HS3ST5: variants seen among roughly 807,000 people sequenced by gnomAD.
The protein encoded by HS3ST5 is heparan sulfate-glucosamine 3-sulfotransferase 5, also known as heparan sulfate glucosamine 3-O-sulfotransferase 5.
A neutral mutation model predicts 25.4 loss-of-function variants in HS3ST5; 10 were observed. The ratio of observed to expected loss-of-function variants is 0.39; its 90% CI spans 0.24 to 0.67. The LOEUF (loss-of-function observed/expected upper bound fraction) is 0.67. Among genes scored for constraint, HS3ST5 ranks in the 30% least tolerant of loss-of-function variants. The pLI, the probability that HS3ST5 is intolerant of heterozygous loss-of-function variation, is 0.44. For missense variants in HS3ST5, 324 were observed against 420.7 expected, an observed-to-expected ratio of 0.77 and a Z score of 2.01; for synonymous variants, 170 against 162.4, an observed-to-expected ratio of 1.05 and a Z score of -0.36.
chr6:114,245,602 C>A (rs1582753848), intron 1 of HS3ST5, among the ~76,000 whole-genome samples: 1 of 152,214 alleles, frequency 6.6e-6, no homozygotes, highest in Admixed American at 6.5e-5. Flanking sequence ...TACAGTCCTA[C>A]AAGGACATTG....
intron 1 of HS3ST5, among the ~76,000 whole-genome samples, chr6:114,234,273 C>T (rs1381928790): frequency 6.6e-6 from 1 of 150,866 alleles, no homozygotes; most frequent in East Asian, 1.9e-4. Context: ...CTAGTTTTCA[C>T]AGGGTATTAA....
intron 1 of HS3ST5, among the ~76,000 whole-genome samples, chr6:114,312,876 A>G (rs1775588782): frequency 1.3e-5 from 2 of 151,984 alleles, no homozygotes; most frequent in South Asian, 4.2e-4. Context: ...TAAAAAATAC[A>G]AAAATCAGCC....
rs73542344 is a variant in HS3ST5 at position 114,265,323 on chromosome 6, C to A, written c.-338-36545G>T. On this transcript the variant is annotated intron_variant, in intron 1 of 4. Coordinates refer to ENST00000312719, the MANE Select transcript of HS3ST5 (RefSeq NM_153612.4). Reference sequence around the variant, plus strand: ...AAAACACGTGTGTGGGGTTTGGCTGCTTGAAGGCTACTGGCAGAAAGCTGG... The same window carrying A: ...AAAACACGTGTGTGGGGTTTGGCTGATTGAAGGCTACTGGCAGAAAGCTGG... Among the ~76,000 whole-genome samples the A allele has an allele frequency of 8.0e-3, 1,214 of 152,256 alleles. 15 individuals carry two copies. The highest frequency in any genetic ancestry group is 0.028 in the African/African-American group (1,158 of 41,532).
chr6:114,064,502 T>G (rs1773333314), intron 3 of HS3ST5, among the ~76,000 whole-genome samples: 1 of 152,226 alleles, frequency 6.6e-6, no homozygotes, highest in Admixed American at 6.5e-5. Flanking sequence ...GTGTGGAATG[T>G]ACTATGTGAA....
chr6:114,077,633 C>A (rs1774215453), intron 3 of HS3ST5, among the ~76,000 whole-genome samples: 1 of 152,220 alleles, frequency 6.6e-6, no homozygotes, highest in African/African-American at 2.4e-5. Flanking sequence ...GCTCCTCCCT[C>A]TGTTCCATGT....
chr6:114,120,913 A>G (rs1776756454), intron 3 of HS3ST5, among the ~76,000 whole-genome samples: 1 of 152,226 alleles, frequency 6.6e-6, no homozygotes. Context: ...CAGAAGTCCC[A>G]GTAATGTACA....
At chr6:114,103,608 G>A (rs139328295) in intron 3 of HS3ST5, among the ~76,000 whole-genome samples, 272 of 150,928 alleles carry the variant, frequency 1.8e-3, no homozygotes, top group Middle Eastern at 6.8e-3. Flanking sequence ...TTTTTATAGA[G>A]ACAGGGTCTG....
rs1018989740 is a variant in HS3ST5 at position 114,116,575 on chromosome 6, G to A, written c.-33+51776C>T. 2.0e-5 allele frequency among the ~76,000 whole-genome samples: 3 copies of A among 152,060 alleles called. No individual in the cohort carries two copies. In the South Asian group the frequency reaches 6.2e-4, roughly 32 times the overall value. ...TTATAAGTTTCAGCAGTATCTCCAAGAGCATTAAGAATAAAGTTAAATTTC... is the reference window on the plus strand; with the variant it reads ...TTATAAGTTTCAGCAGTATCTCCAAAAGCATTAAGAATAAAGTTAAATTTC... On this transcript the variant is annotated intron_variant, in intron 3 of 4. Transcript: ENST00000312719.
At chr6:114,076,453 C>T (rs1774141483) in intron 3 of HS3ST5, among the ~76,000 whole-genome samples, 1 of 152,138 alleles carries the variant, frequency 6.6e-6, no homozygotes, top group East Asian at 1.9e-4. Flanking sequence ...CTTAATAGCC[C>T]CCAGTTTTAA....
At chr6:114,160,026 G>A (rs562908345) in intron 3 of HS3ST5, among the ~76,000 whole-genome samples, 2 of 152,226 alleles carry the variant, frequency 1.3e-5, no homozygotes, top group South Asian at 4.1e-4. Context: ...ACAAGATTCA[G>A]AATTTTGTAA....
chr6:114,318,614 G>A (rs1417975178), intron 1 of HS3ST5, among the ~76,000 whole-genome samples: 2 of 152,040 alleles, frequency 1.3e-5, no homozygotes, highest in African/African-American at 4.8e-5. Context: ...AATTAACTGA[G>A]TCCTACCCCA....
At chr6:114,215,267 C>G (rs1433600894) in intron 2 of HS3ST5, among the ~76,000 whole-genome samples, 2 of 152,122 alleles carry the variant, frequency 1.3e-5, no homozygotes, top group Non-Finnish European at 2.9e-5. Flanking sequence ...GGTCACGCCA[C>G]TGCACTCCAG....
intron 2 of HS3ST5, among the ~76,000 whole-genome samples, chr6:114,170,821 AT>A (rs1779444529): frequency 6.6e-6 from 1 of 152,186 alleles, no homozygotes; most frequent in South Asian, 2.1e-4. Flanking sequence ...TAAAATGGTT[AT>A]TTTAAATGCT....
intron 2 of HS3ST5, among the ~76,000 whole-genome samples, chr6:114,199,862 T>C (rs1780931087): frequency 6.6e-6 from 1 of 152,192 alleles, no homozygotes; most frequent in Non-Finnish European, 1.5e-5. Flanking sequence ...TTGTGGCAAG[T>C]AGCTTAACTT....
chr6:114,098,320 T>C (rs1486892520), intron 3 of HS3ST5, among the ~76,000 whole-genome samples: 3 of 151,734 alleles, frequency 2.0e-5, no homozygotes, highest in African/African-American at 7.2e-5. Context: ...ATCAGTTAAT[T>C]TGTTAAATGT....
At chr6:114,255,440 ATCTACCATGCTGGGG>A (rs932522118) in intron 1 of HS3ST5, among the ~76,000 whole-genome samples, 5 of 152,004 alleles carry the variant, frequency 3.3e-5, no homozygotes, top group African/African-American at 1.2e-4. Context: ...CTGTTGGTGG[ATCTACCATGCTGGGG>A]TCTGGAGGAT....
intron 3 of HS3ST5, among the ~76,000 whole-genome samples, chr6:114,102,145 G>A (rs2114823631): frequency 6.6e-6 from 1 of 152,246 alleles, no homozygotes; most frequent in East Asian, 1.9e-4. Flanking sequence ...CCAAACCTCT[G>A]TGACACACAA....
chr6:114,186,721 T>C (rs190586463), intron 2 of HS3ST5, among the ~76,000 whole-genome samples: 43 of 152,328 alleles, frequency 2.8e-4, no homozygotes, highest in African/African-American at 1.0e-3. Context: ...CAAGACAACC[T>C]TCTATTGGAA....
chr6:114,104,806 G>C (rs1427848028), intron 3 of HS3ST5, among the ~76,000 whole-genome samples: 1 of 152,156 alleles, frequency 6.6e-6, no homozygotes, highest in Non-Finnish European at 1.5e-5. Flanking sequence ...TTGTAGCGTT[G>C]TGTATCATTT....
Sources: gnomAD v4.1 joint callset for allele counts (sites outside exome capture counted in the v4.1 genomes callset) on GRCh38, gnomAD v4.1.1 for gene constraint, MANE v1.5 for transcripts, NCBI Gene and HGNC (gene_info 2026-07-23, HGNC 2026-07-21) for gene names.